UPF1: variants seen among roughly 807,000 people sequenced by gnomAD.
UPF1 encodes the protein UPF1 RNA helicase and ATPase.
UPF1 carries 9 observed loss-of-function variants against 129.2 expected under a neutral mutation model. The observed-to-expected ratio is 0.07, with a 90% confidence interval of 0.04 to 0.12. The LOEUF is 0.12. Among genes scored for constraint, UPF1 ranks in the 10% least tolerant of loss-of-function variants. UPF1 has a pLI of 1.00. For missense variants in UPF1, 788 were observed against 1,525.3 expected, an observed-to-expected ratio of 0.52 and a Z score of 8.05; for synonymous variants, 649 against 644.9, an observed-to-expected ratio of 1.01 and a Z score of -0.10.
chr19:18,846,139 G>T lies in UPF1; in HGVS notation c.371+20G>T. ...CTGCAGGTGAGCTGAGCTCAGCTGG[G>T]CCTGGGCATGTGCTGGACAGGTGGG... On this transcript the variant is annotated intron_variant, in intron 2 of 23. Coordinates refer to ENST00000262803, the MANE Select transcript of UPF1 (RefSeq NM_002911.4). 1 of 1,613,406 alleles carries T rather than the reference G, an allele frequency of 6.2e-7. No individual in the cohort carries two copies. The highest frequency in any genetic ancestry group is 1.1e-5 in the South Asian group (1 of 91,018).
intron 8 of UPF1, 48 bp from the exon 9 acceptor site, chr19:18,854,553 A>G (rs1157279472): frequency 3.3e-6 from 5 of 1,508,352 alleles, no homozygotes; most frequent in East Asian, 2.3e-5. Flanking sequence ...TGGCCCAGAA[A>G]GGTCAGCCCG....
intron 11 of UPF1, chr19:18,855,552 T>C (rs1706851185): frequency 5.8e-6 from 3 of 518,428 alleles, no homozygotes; most frequent in Admixed American, 3.5e-5. Context: ...AGCCTTGGCA[T>C]TGCTTGCGGT....
Position 18,852,977 on chromosome 19 carries a change from A to C in UPF1, c.973-10A>C. The C allele has an allele frequency of 6.2e-7, 1 of 1,611,120 alleles. No homozygotes were observed. Among genetic ancestry groups the C allele is most frequent in the South Asian group, 1.1e-5 (1 of 90,918 alleles). On this transcript the variant is annotated splice_polypyrimidine_tract_variant and intron_variant, in intron 6 of 23. Coordinates refer to ENST00000262803, the MANE Select transcript of UPF1 (RefSeq NM_002911.4). ...AGGCTAACCGGGGCTCTTGTTTTTCATGTGCTCAGACTCAAGATAACATCA... is the reference window on the plus strand; with the variant it reads ...AGGCTAACCGGGGCTCTTGTTTTTCCTGTGCTCAGACTCAAGATAACATCA...
At chr19:18,849,960 C>T (rs2055640322) in intron 3 of UPF1, 115 bp from the exon 4 acceptor site, 4 of 1,338,372 alleles carry the variant, frequency 3.0e-6, no homozygotes, top group Non-Finnish European at 4.1e-6. Flanking sequence ...TGAGGTGTGA[C>T]TGCCTCTGCT....
Position 18,865,972 on chromosome 19 carries a change from G to T in UPF1, c.3238-72G>T, listed in dbSNP as rs2055839186. ...ACGGGTTTTCCATTCTTTTCTCTGGGGCTGCTGAGGGCTGGGTGGATGTGA... is the reference window on the plus strand; with the variant it reads ...ACGGGTTTTCCATTCTTTTCTCTGGTGCTGCTGAGGGCTGGGTGGATGTGA... On this transcript the variant is annotated intron_variant, in intron 22 of 23. Coordinates refer to ENST00000262803, the MANE Select transcript of UPF1 (RefSeq NM_002911.4). This position sits in a 1 kb window ranked among gnomAD's most constrained non-coding sequence, Gnocchi z 6.1. 6.2e-7 allele frequency: 1 copy of T among 1,601,156 alleles called. No individual in the cohort carries two copies. The highest frequency in any genetic ancestry group is 8.5e-7 in the Non-Finnish European group (1 of 1,176,814).
intron 6 of UPF1, 84 bp from the exon 7 acceptor site, chr19:18,852,903 G>A: frequency 1.7e-6 from 2 of 1,165,496 alleles, no homozygotes; most frequent in Non-Finnish European, 1.2e-6. Flanking sequence ...TGTAGGGCCC[G>A]CCTCATGGGG....
At chr19:18,838,024 C>T (rs1020325852) in intron 1 of UPF1, among the ~76,000 whole-genome samples, 1 of 152,186 alleles carries the variant, frequency 6.6e-6, no homozygotes, top group African/African-American at 2.4e-5. Flanking sequence ...GTAAAATACT[C>T]AGGATAGAAA....
chr19:18,836,455 T>G (rs1190069875), intron 1 of UPF1, among the ~76,000 whole-genome samples: 1 of 152,188 alleles, frequency 6.6e-6, no homozygotes, highest in Non-Finnish European at 1.5e-5. Context: ...ATCATATGAT[T>G]TAATTCATAA....
intron 3 of UPF1, chr19:18,849,472 A>C: frequency 6.3e-6 from 1 of 157,944 alleles, no homozygotes; most frequent in South Asian, 1.8e-4. Context: ...GCCACGTCGC[A>C]GCAAGGAAGG....
chr19:18,859,306 C>T (rs890888666), intron 15 of UPF1: 1 of 152,232 alleles, frequency 6.6e-6, no homozygotes, highest in African/African-American at 2.4e-5. Flanking sequence ...CCAGGAAGTA[C>T]ATTTTAGGAA....
At chr19:18,841,138 C>T (rs558761872) in intron 1 of UPF1, among the ~76,000 whole-genome samples, 57 of 152,372 alleles carry the variant, frequency 3.7e-4, no homozygotes, top group Non-Finnish European at 6.8e-4. Flanking sequence ...CTGCATCCTC[C>T]GTGTAGAAAC....
At chr19:18,847,490 T>A (rs1032128756) in intron 2 of UPF1, among the ~76,000 whole-genome samples, 15 of 152,218 alleles carry the variant, frequency 9.9e-5, no homozygotes, top group African/African-American at 3.6e-4. Context: ...GAGGCCTCCT[T>A]CCAGCAGGAC....
intron 20 of UPF1, 54 bp downstream of exon 20, chr19:18,864,305 T>A: frequency 2.0e-6 from 3 of 1,512,658 alleles, no homozygotes; most frequent in East Asian, 4.6e-5. Context: ...ACCGGGATGC[T>A]GGCCGTTCCC....
intron 11 of UPF1, 117 bp downstream of exon 11, chr19:18,855,359 A>G (rs1568278669): frequency 2.6e-6 from 3 of 1,142,772 alleles, no homozygotes; most frequent in African/African-American, 1.5e-5. Flanking sequence ...CGTGGCGGGT[A>G]GTGTCGCCAT....
chr19:18,834,940 T>C (rs564691952), intron 1 of UPF1, among the ~76,000 whole-genome samples: 1 of 152,328 alleles, frequency 6.6e-6, no homozygotes, highest in South Asian at 2.1e-4. Context: ...AGCGGCTTTA[T>C]TGAAATAGAA....
rs975206681 is a variant in UPF1 at position 18,865,096 on chromosome 19, A to T, written c.2858-193A>T. Among the ~76,000 whole-genome samples the T allele has an allele frequency of 6.6e-5, 10 of 152,210 alleles. No homozygotes were observed. Among genetic ancestry groups the T allele is most frequent in the Non-Finnish European group, 1.3e-4 (9 of 68,030 alleles). On this transcript the variant is annotated intron_variant, in intron 20 of 23. Coordinates refer to ENST00000262803, the MANE Select transcript of UPF1 (RefSeq NM_002911.4). The surrounding 1 kb of genome is among the most constrained non-coding windows in gnomAD (Gnocchi z 6.1). ...ATTCCCAGCAGACTCTCCTCGGGGA[A>T]GGTGCCTGCCCAAGCACCCAGCCCC...
rs142659447 is a variant in UPF1 at position 18,840,346 on chromosome 19, C to T, written c.232-5634C>T. 4.7e-3 allele frequency among the ~76,000 whole-genome samples: 723 copies of T among 152,328 alleles called. 6 individuals are homozygous for T. The highest frequency in any genetic ancestry group is 0.041 in the Middle Eastern group (12 of 294). On this transcript the variant is annotated intron_variant, in intron 1 of 23. Coordinates refer to ENST00000262803, the MANE Select transcript of UPF1 (RefSeq NM_002911.4). ...ACAGACTTAAAAAGCAGCTCCAGCT[C>T]CTGCCTGTGGTCTCATCAGGGTCCA...
chr19:18,853,156 T>C lies in UPF1; in HGVS notation c.1057+85T>C, dbSNP rs2055678499. On this transcript the variant is annotated intron_variant, in intron 7 of 23. Coordinates refer to ENST00000262803, the MANE Select transcript of UPF1 (RefSeq NM_002911.4). This position sits in a 1 kb window ranked among gnomAD's most constrained non-coding sequence, Gnocchi z 4.4. ...GACCATAAGTAGCATAAATTCCTAG[T>C]TCCACCCTTGTAAAGTGCCCCTTAA... 1.2e-6 allele frequency: 2 copies of C among 1,602,530 alleles called. No individual in the cohort carries two copies. Among genetic ancestry groups the C allele is most frequent in the African/African-American group, 1.3e-5 (1 of 74,696 alleles).
chr19:18,863,707 T>TGAGGGAGGGCTCTCCTAGGG (rs1568283698), intron 19 of UPF1, 95 bp downstream of exon 19: 122 of 1,372,262 alleles, frequency 8.9e-5, no homozygotes, highest in African/African-American at 3.8e-4. Flanking sequence ...GCCCGTGAGC[T>TGAGGGAGGGCTCTCCTAGGG]GAGGGAGGGC....
Sources: gnomAD v4.1 joint callset for allele counts (sites outside exome capture counted in the v4.1 genomes callset) on GRCh38, gnomAD v4.1.1 for gene constraint, Gnocchi (gnomAD v3.1) non-coding constraint, MANE v1.5 for transcripts, NCBI Gene and HGNC (gene_info 2026-07-23, HGNC 2026-07-21) for gene names.